The following FAM83H variants were observed in gnomAD, a reference collection of about 807,000 sequenced individuals.
FAM83H encodes protein FAM83H.
FAM83H carries 24 observed loss-of-function variants against 30.2 expected under a neutral mutation model. That is an observed-to-expected ratio of 0.79 (90% CI 0.57 to 1.12). The LOEUF is 1.12. FAM83H is among the 50% of genes most tolerant of loss of function. The pLI is 0.00. For synonymous variants in FAM83H, 1,013 were observed against 821.7 expected, an observed-to-expected ratio of 1.23 and a Z score of -3.98; for missense variants, 2,038 against 1,773.9, an observed-to-expected ratio of 1.15 and a Z score of -2.67.
Position 143,727,297 on chromosome 8 carries a change from C to A in FAM83H, c.2164G>T (p.Gly722Cys), listed in dbSNP as rs782443470. ...EQTVSETLGP[G>C]GEAVRSAAST... is the part of the protein sequence containing the mutation. ...GCCGCGGAGCGCACGGCCTCTCCGC[C>A]GGGCCCCAGCGTCTCGCTGACCGTC... is the stretch of plus-strand genomic sequence containing the variant. Residue 722 changes from glycine to cysteine, a missense_variant, in exon 5 of 5, where the codon GGC (glycine) becomes TGC (cysteine). Gly to Cys is a radical substitution (Grantham distance 159, BLOSUM62 -3). Transcript: ENST00000388913. 2 of 1,538,902 alleles carry A rather than the reference C, an allele frequency of 1.3e-6. No homozygotes were observed. Among genetic ancestry groups the A allele is most frequent in the East Asian group, 2.4e-5 (1 of 41,292 alleles).
rs1554621582 is a variant in FAM83H, at chr8:143,726,136, G to C, written c.3325C>G (p.Leu1109Val). Residue 1109 changes from leucine (L) to valine (V), a missense_variant, in exon 5 of 5, where the codon CTG becomes GTG. Physicochemically the swap from Leu to Val is conservative, Grantham distance 32. Coordinates refer to ENST00000388913, the MANE Select transcript of FAM83H (RefSeq NM_198488.5). ...LGTQGRLSRT[L>V]PASAEERDRL... Reference sequence around the variant, plus strand: ...TCGCGCTCCTCCGCGCTGGCTGGCAGCGTGCGGCTCAGCCGGCCCTGGGTC... The same window carrying C: ...TCGCGCTCCTCCGCGCTGGCTGGCACCGTGCGGCTCAGCCGGCCCTGGGTC... 6.2e-7 allele frequency: 1 copy of C among 1,611,500 alleles called. No homozygotes were observed.
At position 143,727,843 on chromosome 8, in the gene FAM83H, G is replaced by A. The variant is rs1412293815; in HGVS notation, c.1618C>T (p.Pro540Ser). The A allele has an allele frequency of 6.8e-6, 9 of 1,320,428 alleles. No homozygotes were observed. The African/African-American group carries it at 1.1e-4, about 16-fold the overall frequency. 81.8% of individuals were successfully genotyped at this position (1,320,428 alleles called of 1,614,324 possible). A position where few individuals can be genotyped will look rare whatever the true frequency, so the allele number is the denominator to read the frequency against. ...AAGCGCTGGGTCAGGTTGGGGCGCGGGGCTCCGCTGGGCTCCAGGCCGCGG... is the reference window on the plus strand; with the variant it reads ...AAGCGCTGGGTCAGGTTGGGGCGCGAGGCTCCGCTGGGCTCCAGGCCGCGG... ...GPRGLEPSGA[P>S]RPNLTQRFPC... Residue 540 changes from proline (P) to serine (S), a missense_variant, in exon 5 of 5, where the codon CCG becomes TCG. Transcript: ENST00000388913.
In FAM83H at chr8:143,726,668, C is replaced by A; in HGVS notation, c.2793G>T (p.Pro931=). The A allele has an allele frequency of 6.3e-7, 1 of 1,595,544 alleles. No individual in the cohort carries two copies. Among genetic ancestry groups the A allele is most frequent in the Non-Finnish European group, 8.5e-7 (1 of 1,175,776 alleles). ...TAAGGGTGAGGCTGCCCCTGCGCTC[C>A]GGCACGGGGGGCACCGGACTGCTCC... The part of the protein sequence containing the change: ...ERRSSPVPPV[P]ERRGSLTLTI... The change falls in exon 5 of 5, where the codon CCG becomes CCT. Residue 931 remains proline, a synonymous_variant. Transcript: ENST00000388913.
chr8:143,728,873 G>C, intron 4 of FAM83H, 94 bp downstream of exon 4: 1 of 1,603,476 alleles, frequency 6.2e-7, no homozygotes, highest in Non-Finnish European at 8.5e-7. Flanking sequence ...CAGGACAAGG[G>C]CTCCTGGCGA....
rs781863615 is a variant in FAM83H, at chr8:143,730,624, A to T, written c.-15-27T>A. ...TGGAGGGGCAGGGAGACACATGACT[A>T]GGGGTGGGGGCACTGGGACCACTCC... On this transcript the variant is annotated intron_variant, in intron 1 of 4. Transcript: ENST00000388913. 6.2e-6 allele frequency: 9 copies of T among 1,461,716 alleles called. No individual in the cohort carries two copies. The East Asian group carries it at 2.1e-4, about 34-fold the overall frequency. The allele number at this position is 1,461,716 out of a possible 1,614,324, so 90.5% of individuals were successfully genotyped here. A position where few individuals can be genotyped will look rare whatever the true frequency, so the allele number is the denominator to read the frequency against.
Position 143,733,381 on chromosome 8 carries a change from G to A in FAM83H, c.-16+310C>T, listed in dbSNP as rs1818597012. 6.6e-6 allele frequency among the ~76,000 whole-genome samples: 1 copy of A among 152,328 alleles called. No homozygotes were observed. Among genetic ancestry groups the A allele is most frequent in the Admixed American group, 6.5e-5 (1 of 15,306 alleles). On this transcript the variant is annotated intron_variant, in intron 1 of 4. Coordinates refer to ENST00000388913, the MANE Select transcript of FAM83H (RefSeq NM_198488.5). The surrounding 1 kb of genome is among the most constrained non-coding windows in gnomAD (Gnocchi z 5.6). Reference sequence around the variant, plus strand: ...CACCCAGACTCCAGCTAGGCCGCGAGGGCGGGAGCGAGTCGGGACGGCCGG... The same window carrying A: ...CACCCAGACTCCAGCTAGGCCGCGAAGGCGGGAGCGAGTCGGGACGGCCGG...
At position 143,726,938 on chromosome 8, in the gene FAM83H, G is replaced by A. The variant is rs1008896900; in HGVS notation, c.2523C>T (p.His841=). The part of the protein sequence containing the change: ...LPSRFLSAQS[H]STSPQGLDSP... ...TGTCCAGCCCTTGCGGGGACGTTGAGTGGCTCTGGGCAGAGAGGAAGCGGG... is the reference window on the plus strand; with the variant it reads ...TGTCCAGCCCTTGCGGGGACGTTGAATGGCTCTGGGCAGAGAGGAAGCGGG... Residue 841 remains histidine, a synonymous_variant, in exon 5 of 5, where the codon CAC becomes CAT. Coordinates refer to ENST00000388913, the MANE Select transcript of FAM83H (RefSeq NM_198488.5). 2 of 1,611,622 alleles carry A rather than the reference G, an allele frequency of 1.2e-6. No homozygotes were observed. The highest frequency in any genetic ancestry group is 8.5e-7 in the Non-Finnish European group (1 of 1,179,546).
At position 143,730,422 on chromosome 8, in the gene FAM83H, T is replaced by C; in HGVS notation, c.161A>G (p.Asp54Gly). The C allele has an allele frequency of 6.2e-7, 1 of 1,612,898 alleles. No homozygotes were observed. The highest frequency in any genetic ancestry group is 8.5e-7 in the Non-Finnish European group (1 of 1,180,004). The change falls in exon 2 of 5, where the codon GAC (aspartate) becomes GGC (glycine). Residue 54 changes from aspartate to glycine, a missense_variant. Transcript: ENST00000388913. ...TTCCAGCTCTTCAGGGCACAGGAAG[T>C]CTGGTGCCCCCTCGGTAGCGAGGAA... ...SRFLATEGAP[D>G]FLCPEELEHV... is the part of the protein sequence containing the mutation.
At chr8:143,729,350 G>C in intron 2 of FAM83H, 27 bp from the exon 3 acceptor site, 5 of 1,611,770 alleles carry the variant, frequency 3.1e-6, no homozygotes, top group Non-Finnish European at 3.4e-6. Context: ...GGACGGAGAG[G>C]AGAGGCCCCT....
At position 143,727,082 on chromosome 8, in the gene FAM83H, C is replaced by T; in HGVS notation, c.2379G>A (p.Leu793=). Residue 793 remains leucine (L), a synonymous_variant, in exon 5 of 5, where the codon CTG becomes CTA. Coordinates refer to ENST00000388913, the MANE Select transcript of FAM83H (RefSeq NM_198488.5). ...GCAGCTGCTGTGCAAAGGAGTCGCG[C>T]AGGTCCAGCAGGCAGCTCTCGAGGC... ...RRSLESCLLD[L]RDSFAQQLHQ... 1 of 1,543,670 alleles carries T rather than the reference C, an allele frequency of 6.5e-7. No homozygotes were observed. The highest frequency in any genetic ancestry group is 8.7e-7 in the Non-Finnish European group (1 of 1,151,380).
chr8:143,723,990 G>A lies in FAM83H; in HGVS notation c.*1931C>T, dbSNP rs1336151967. 6.6e-6 allele frequency: 1 copy of A among 152,260 alleles called. No individual in the cohort carries two copies. Among genetic ancestry groups the A allele is most frequent in the Non-Finnish European group, 1.5e-5 (1 of 68,058 alleles). 9.4% of individuals were successfully genotyped at this position (152,260 alleles called of 1,614,324 possible). A position where few individuals can be genotyped will look rare whatever the true frequency, so the allele number is the denominator to read the frequency against. On this transcript the variant is annotated 3_prime_UTR_variant, in exon 5 of 5. Coordinates refer to ENST00000388913, the MANE Select transcript of FAM83H (RefSeq NM_198488.5). ...ATGTGCCACATCATGGTTTAGAAGA[G>A]GTGGAGGGTGCAGGCAGGAGGCTCC...
chr8:143,732,401 C>T, intron 1 of FAM83H: 1 of 985,392 alleles, frequency 1.0e-6, no homozygotes, highest in Non-Finnish European at 1.2e-6. Context: ...CCGAGGAGCC[C>T]ACTCACCATT....
Position 143,726,305 on chromosome 8 carries a change from C to T in FAM83H, c.3156G>A (p.Gln1052=), listed in dbSNP as rs1263135652. ...TCGGGGCAGGGACCGCACGGTGCTT[C>T]TGGCCGTGGGCACTGATCTGCTCCA... The part of the protein sequence containing the change: ...AILEQISAHG[Q]KHRAVPAPSP... Residue 1052 remains glutamine (Q), a synonymous_variant, in exon 5 of 5, where the codon CAG becomes CAA. Coordinates refer to ENST00000388913, the MANE Select transcript of FAM83H (RefSeq NM_198488.5). 5.6e-6 allele frequency: 9 copies of T among 1,612,076 alleles called. No individual in the cohort carries two copies. The highest frequency in any genetic ancestry group is 7.6e-6 in the Non-Finnish European group (9 of 1,179,758).
In FAM83H at chr8:143,724,262, C is replaced by A; in HGVS notation, c.*1659G>T. ...CTGTGCAGGAGTGAAAGTGGGGTCACTTTCCTTCCTTTCCCAGCTGCTGGA... is the reference window on the plus strand; with the variant it reads ...CTGTGCAGGAGTGAAAGTGGGGTCAATTTCCTTCCTTTCCCAGCTGCTGGA... On this transcript the variant is annotated 3_prime_UTR_variant, in exon 5 of 5. Coordinates refer to ENST00000388913, the MANE Select transcript of FAM83H (RefSeq NM_198488.5). The A allele has an allele frequency of 6.6e-6, 1 of 152,206 alleles. No individual in the cohort carries two copies. Among genetic ancestry groups the A allele is most frequent in the East Asian group, 1.9e-4 (1 of 5,196 alleles). The allele number at this position is 152,206 out of a possible 1,614,324, so 9.4% of individuals were successfully genotyped here.
chr8:143,730,691 A>C, intron 1 of FAM83H, 94 bp from the exon 2 acceptor site: 1 of 943,954 alleles, frequency 1.1e-6, no homozygotes, highest in Non-Finnish European at 1.5e-6. Flanking sequence ...GCCGTCAGTG[A>C]CTTGGGTAGG....
chr8:143,731,118 ACC>A (rs11432677), intron 1 of FAM83H, among the ~76,000 whole-genome samples: 91,293 of 145,398 alleles, frequency 0.63, 31,392 homozygotes, highest in Non-Finnish European at 0.77. Flanking sequence ...AATAAAACGA[ACC>A]CCCCCCCCCA....
chr8:143,726,124 C>T lies in FAM83H; in HGVS notation c.3337G>A (p.Ala1113Thr), dbSNP rs781788793. Residue 1113 changes from alanine (A) to threonine (T), a missense_variant, in exon 5 of 5, where the codon GCG becomes ACG. Physicochemically the swap from Ala to Thr is moderately conservative, Grantham distance 58. Coordinates refer to ENST00000388913, the MANE Select transcript of FAM83H (RefSeq NM_198488.5). ...GRLSRTLPAS[A>T]EERDRLLRRM... is the part of the protein sequence containing the mutation. Reference sequence around the variant, plus strand: ...CGCAGCAGCCGATCGCGCTCCTCCGCGCTGGCTGGCAGCGTGCGGCTCAGC... The same window carrying T: ...CGCAGCAGCCGATCGCGCTCCTCCGTGCTGGCTGGCAGCGTGCGGCTCAGC... The T allele has an allele frequency of 1.2e-6, 2 of 1,611,500 alleles. No homozygotes were observed. The highest frequency in any genetic ancestry group is 1.7e-6 in the Non-Finnish European group (2 of 1,179,342).
At position 143,725,597 on chromosome 8, in the gene FAM83H, G is replaced by C. The variant is rs1159665625; in HGVS notation, c.*324C>G. ...AGGTCTCAAAAAAATAAAGGGGGCG[G>C]GGGGGACTGAGGCACAAAGAGATGG... On this transcript the variant is annotated 3_prime_UTR_variant, in exon 5 of 5. Transcript: ENST00000388913. 22 of 493,808 alleles carry C rather than the reference G, an allele frequency of 4.5e-5. No individual in the cohort carries two copies. Among genetic ancestry groups the C allele is most frequent in the South Asian group, 2.4e-5 (1 of 41,978 alleles). The allele number at this position is 493,808 out of a possible 1,614,324, so 30.6% of individuals were successfully genotyped here. A position where few individuals can be genotyped will look rare whatever the true frequency, so the allele number is the denominator to read the frequency against.
Position 143,725,748 on chromosome 8 carries a change from G to A in FAM83H, c.*173C>T, listed in dbSNP as rs1554621365. On this transcript the variant is annotated 3_prime_UTR_variant, in exon 5 of 5. Transcript: ENST00000388913. The stretch of plus-strand genomic sequence containing the variant: ...AGGCCAGGGGGCAGAGACGGCAGCT[G>A]CCAGGTGAGCCTCCAGTGGAGCCGA... 6.1e-6 allele frequency: 7 copies of A among 1,153,918 alleles called. No individual in the cohort carries two copies. The highest frequency in any genetic ancestry group is 8.4e-6 in the Non-Finnish European group (7 of 831,752). 71.5% of individuals were successfully genotyped at this position (1,153,918 alleles called of 1,614,324 possible).
Sources: gnomAD v4.1 joint callset for allele counts (sites outside exome capture counted in the v4.1 genomes callset) on GRCh38, gnomAD v4.1.1 for gene constraint, Gnocchi (gnomAD v3.1) non-coding constraint, MANE v1.5 for transcripts, NCBI Gene and HGNC (gene_info 2026-07-23, HGNC 2026-07-21) for gene names.